The following INPP5F variants were observed in gnomAD, a reference collection of about 807,000 sequenced individuals.
INPP5F encodes the protein inositol polyphosphate-5-phosphatase F, also known as phosphatidylinositide 4-phosphatase SAC2.
A neutral mutation model predicts 137.2 loss-of-function variants in INPP5F; 97 were observed. The observed-to-expected ratio is 0.71, with a 90% CI of 0.60 to 0.84. The LOEUF is 0.84. Ranked by LOEUF, INPP5F falls within the 40% of genes least tolerant of loss-of-function variation. INPP5F has a pLI of 0.00. For missense variants in INPP5F, 1,271 were observed against 1,371.9 expected (o/e 0.93, Z 1.16); for synonymous variants, 504 against 476.9 (o/e 1.06, Z -0.74).
At chr10:119,727,271 A>T (rs1358619713) in intron 1 of INPP5F, among the ~76,000 whole-genome samples, 5 of 152,204 alleles carry the variant, frequency 3.3e-5, no homozygotes, top group Non-Finnish European at 7.3e-5. Flanking sequence ...AGCTTTTCAG[A>T]CTTACTTGTA....
At chr10:119,798,750 C>A in intron 9 of INPP5F, 140 bp downstream of exon 9, 32 of 188,688 alleles carry the variant, frequency 1.7e-4, no homozygotes, top group Non-Finnish European at 2.3e-4. Flanking sequence ...TAAGAGTTTT[C>A]TTAATATTCT....
chr10:119,810,243 C>G (rs1454981237), intron 14 of INPP5F, 26 bp downstream of exon 14: 2 of 1,287,274 alleles, frequency 1.6e-6, no homozygotes, highest in Non-Finnish European at 2.2e-6. Context: ...GCTTTTCTTT[C>G]CTCAAAATTT....
At chr10:119,767,274 G>A (rs183405643) in intron 2 of INPP5F, among the ~76,000 whole-genome samples, 9 of 152,138 alleles carry the variant, frequency 5.9e-5, no homozygotes, top group Non-Finnish European at 1.0e-4. Context: ...TTTAAATGTA[G>A]AATTAAAATA....
chr10:119,803,049 T>A (rs1355748877), intron 9 of INPP5F, among the ~76,000 whole-genome samples: 1 of 152,224 alleles, frequency 6.6e-6, no homozygotes, highest in Non-Finnish European at 1.5e-5. Context: ...CTGTATCCTT[T>A]ACCATTTTTT....
chr10:119,819,595 T>G, intron 15 of INPP5F: 52 of 1,407,086 alleles, frequency 3.7e-5, no homozygotes, highest in Non-Finnish European at 4.6e-5. Context: ...TATTATTCTC[T>G]ATGAAGCTGT....
intron 1 of INPP5F, among the ~76,000 whole-genome samples, chr10:119,745,308 T>C (rs1176684295): frequency 6.6e-6 from 1 of 152,024 alleles, no homozygotes. Flanking sequence ...CTAAGCTCTT[T>C]TTCTTTTTTT....
chr10:119,795,447 A>G (rs1850336346), intron 6 of INPP5F, among the ~76,000 whole-genome samples: 1 of 143,568 alleles, frequency 7.0e-6, no homozygotes, highest in Non-Finnish European at 1.5e-5. Flanking sequence ...ATGGGGCGGC[A>G]GGGCAGAGGT....
chr10:119,825,349 A>C (rs1162356514), intron 19 of INPP5F, among the ~76,000 whole-genome samples: 1 of 152,206 alleles, frequency 6.6e-6, no homozygotes, highest in Non-Finnish European at 1.5e-5. Flanking sequence ...CTCAGTTTCA[A>C]GAAAAACTCT....
intron 15 of INPP5F, among the ~76,000 whole-genome samples, chr10:119,812,230 G>A (rs1294663674): frequency 6.6e-6 from 1 of 152,250 alleles, no homozygotes; most frequent in African/African-American, 2.4e-5. Context: ...GCAGCTGGCT[G>A]TGGGTTCCCC....
intron 19 of INPP5F, 148 bp from the exon 20 acceptor site, chr10:119,826,483 C>G (rs1403544001): frequency 3.4e-5 from 22 of 645,354 alleles, no homozygotes; most frequent in Non-Finnish European, 5.4e-5. Flanking sequence ...GTTTTAATGT[C>G]AACTCTGAGG....
chr10:119,781,532 C>T, intron 2 of INPP5F, 103 bp from the exon 3 acceptor site: 1 of 986,934 alleles, frequency 1.0e-6, no homozygotes. Flanking sequence ...ATTTTGGATG[C>T]ACACTTTTTT....
intron 2 of INPP5F, among the ~76,000 whole-genome samples, chr10:119,753,155 G>A (rs919107895): frequency 6.6e-6 from 1 of 152,048 alleles, no homozygotes; most frequent in Non-Finnish European, 1.5e-5. Context: ...ATGCTGACAG[G>A]ATAATTTCAC....
intron 4 of INPP5F, 104 bp downstream of exon 4, chr10:119,791,749 T>C: frequency 2.3e-6 from 3 of 1,327,382 alleles, no homozygotes; most frequent in Non-Finnish European, 3.1e-6. Flanking sequence ...TTTGTTGTAT[T>C]GAAGCACCAT....
intron 1 of INPP5F, among the ~76,000 whole-genome samples, chr10:119,740,974 C>T (rs748619740): frequency 1.2e-4 from 19 of 152,146 alleles, no homozygotes; most frequent in Admixed American, 5.9e-4. Context: ...TATTATGTGA[C>T]GGATGCTGGG....
chr10:119,765,630 T>C (rs1173261948), intron 2 of INPP5F, among the ~76,000 whole-genome samples: 1 of 146,090 alleles, frequency 6.8e-6, no homozygotes, highest in African/African-American at 2.5e-5. Context: ...CATCCAACTA[T>C]CTCGGCCTCC....
intron 8 of INPP5F, 28 bp downstream of exon 8, chr10:119,797,668 AATG>A (rs1317405287): frequency 1.9e-6 from 3 of 1,545,262 alleles, no homozygotes; most frequent in Non-Finnish European, 2.6e-6. Flanking sequence ...TGGGTTTGCA[AATG>A]ATGATTTCAG....
At chr10:119,799,790 T>G (rs537326033) in intron 9 of INPP5F, among the ~76,000 whole-genome samples, 183 of 152,300 alleles carry the variant, frequency 1.2e-3, no homozygotes, top group African/African-American at 4.3e-3. Context: ...TGTGAAAGGT[T>G]AAGCAATAAA....
chr10:119,732,769 T>C (rs1167620484), intron 1 of INPP5F, among the ~76,000 whole-genome samples: 2 of 152,212 alleles, frequency 1.3e-5, no homozygotes, highest in Non-Finnish European at 2.9e-5. Flanking sequence ...CCAAAAGTGC[T>C]GGCATTACAG....
At chr10:119,775,079 C>G (rs779721694) in intron 2 of INPP5F, among the ~76,000 whole-genome samples, 11 of 152,192 alleles carry the variant, frequency 7.2e-5, no homozygotes, top group Non-Finnish European at 1.2e-4. Context: ...CTTAATTTCT[C>G]TCTTCTTTGG....
Sources: gnomAD v4.1 joint callset for allele counts (sites outside exome capture counted in the v4.1 genomes callset) on GRCh38, gnomAD v4.1.1 for gene constraint, MANE v1.5 for transcripts, NCBI Gene and HGNC (gene_info 2026-07-23, HGNC 2026-07-21) for gene names.